COL5A2: variants seen among roughly 807,000 people sequenced by gnomAD.
COL5A2 encodes collagen type V alpha 2 chain.
In COL5A2, 23 loss-of-function variants were observed where a neutral mutation model predicts 208.2. The ratio of observed to expected loss-of-function variants is 0.11; its 90% CI spans 0.08 to 0.16. The LOEUF (loss-of-function observed/expected upper bound fraction) is 0.16, where lower values mean the gene tolerates loss of function less well. COL5A2 is among the 10% of genes least tolerant of loss of function. The probability of loss-of-function intolerance (pLI) is 1.00; values close to 1 mark genes in which losing one functional copy is unlikely to be tolerated. For missense variants in COL5A2, 1,590 were observed against 1,956.4 expected (o/e 0.81, Z 3.53); for synonymous variants, 625 against 628.5 (o/e 0.99, Z 0.08).
intron 1 of COL5A2, among the ~76,000 whole-genome samples, chr2:189,123,707 C>T (rs1687554558): frequency 1.3e-5 from 2 of 152,094 alleles, no homozygotes; most frequent in Non-Finnish European, 1.5e-5. Flanking sequence ...TGGAGTGAAT[C>T]TTAAGGAAGA....
chr2:189,288,038 G>A, the COL5A2 span, among the ~76,000 whole-genome samples: 2 of 151,932 alleles, frequency 1.3e-5, no homozygotes, highest in African/African-American at 2.4e-5. Flanking sequence ...TTCAACAGAT[G>A]ACAAGAACAG....
At chr2:189,078,109 G>T (rs1397632960) in intron 16 of COL5A2, among the ~76,000 whole-genome samples, 1 of 152,154 alleles carries the variant, frequency 6.6e-6, no homozygotes, top group Non-Finnish European at 1.5e-5. Flanking sequence ...CCTTTTAGGA[G>T]TATGAGGAAC....
At chr2:189,085,694 G>T (rs774044911) in intron 10 of COL5A2, 25 bp downstream of exon 10, 1 of 1,607,332 alleles carries the variant, frequency 6.2e-7, no homozygotes, top group East Asian at 2.2e-5. Context: ...ATGTAACTGG[G>T]TCTACATGCT....
chr2:189,299,371 G>C, the COL5A2 span, among the ~76,000 whole-genome samples: 1 of 152,052 alleles, frequency 6.6e-6, no homozygotes, highest in Admixed American at 6.6e-5. Context: ...TTGTCATATA[G>C]ACATATCATC....
chr2:189,070,158 T>G (rs1686239625), intron 18 of COL5A2, among the ~76,000 whole-genome samples: 1 of 152,212 alleles, frequency 6.6e-6, no homozygotes, highest in Non-Finnish European at 1.5e-5. Flanking sequence ...TGAGGCATAC[T>G]TATACTAAAC....
chr2:189,100,851 A>G (rs1221522064), intron 3 of COL5A2, among the ~76,000 whole-genome samples: 1 of 152,066 alleles, frequency 6.6e-6, no homozygotes, highest in Admixed American at 6.6e-5. Flanking sequence ...AGCAAATGTA[A>G]TAGATGTAGA....
At chr2:189,139,482 AGGAATGTCT>A (rs905319353) in intron 1 of COL5A2, among the ~76,000 whole-genome samples, 2 of 152,140 alleles carry the variant, frequency 1.3e-5, no homozygotes, top group Non-Finnish European at 2.9e-5. Flanking sequence ...CTAAAAAACA[AGGAATGTCT>A]GGAAACTGTC....
At chr2:189,062,161 T>G (rs1397108350) in intron 29 of COL5A2, among the ~76,000 whole-genome samples, 1 of 146,978 alleles carries the variant, frequency 6.8e-6, no homozygotes, top group Non-Finnish European at 1.5e-5. Context: ...ATTCCTTTTA[T>G]GTCCTAAAAA....
intron 1 of COL5A2, among the ~76,000 whole-genome samples, chr2:189,137,286 G>C (rs1687844464): frequency 6.6e-6 from 1 of 152,216 alleles, no homozygotes. Context: ...TTACATGAGA[G>C]ATGTCTTCTG....
chr2:189,050,623 A>G lies in COL5A2; in HGVS notation c.2985T>C (p.Val995=). The G allele has an allele frequency of 6.4e-7, 1 of 1,552,644 alleles. No homozygotes were observed. Among genetic ancestry groups the G allele is most frequent in the Non-Finnish European group, 8.7e-7 (1 of 1,147,454 alleles). The change falls in exon 43 of 54, where the codon GTT becomes GTC. Residue 995 remains valine, a synonymous_variant. Coordinates refer to ENST00000374866, the MANE Select transcript of COL5A2 (RefSeq NM_000393.5). ...TCTCTCCACGTTGCCCAGGCATGCC[A>G]ACAATTCCTCTCTGCCCGGTCGTTC... The part of the protein sequence containing the change: ...PAGTTGQRGI[V]GMPGQRGERG...
At chr2:189,189,638 C>T (rs562846137) in intron 1 of COL5A2, among the ~76,000 whole-genome samples, 1 of 152,026 alleles carries the variant, frequency 6.6e-6, no homozygotes, top group South Asian at 2.1e-4. Flanking sequence ...GGTAACAGTA[C>T]AAGACTCTGT....
rs185473320 is a variant in COL5A2 at position 189,110,997 on chromosome 2, C to A, written c.98-548G>T. 2.9e-3 allele frequency among the ~76,000 whole-genome samples: 435 copies of A among 152,094 alleles called. 2 individuals are homozygous for A. The highest frequency in any genetic ancestry group is 0.01 in the African/African-American group (421 of 41,490). On this transcript the variant is annotated intron_variant, in intron 1 of 53. Transcript: ENST00000374866. ...TTAAATGTACAGTAAAAAAGTATAA[C>A]CATGTCCCATTTCATGGAGTAGAAT... is the stretch of plus-strand genomic sequence containing the variant.
chr2:189,203,059 A>C (rs779140897), intron 1 of COL5A2, among the ~76,000 whole-genome samples: 24 of 152,208 alleles, frequency 1.6e-4, no homozygotes, highest in Non-Finnish European at 3.2e-4. Flanking sequence ...ATAAAATGTA[A>C]ATCTGTAATG....
intron 1 of COL5A2, among the ~76,000 whole-genome samples, chr2:189,151,603 CATG>C (rs1688143296): frequency 6.6e-6 from 1 of 152,120 alleles, no homozygotes; most frequent in African/African-American, 2.4e-5. Flanking sequence ...ACCCCTCTTC[CATG>C]ATAAGTTGCC....
rs752658223 is a variant in COL5A2 at position 189,039,361 on chromosome 2, A to G, written c.3836T>C (p.Ile1279Thr). 34 of 1,613,926 alleles carry G rather than the reference A, an allele frequency of 2.1e-5. No individual in the cohort carries two copies. Among genetic ancestry groups the G allele is most frequent in the Non-Finnish European group, 2.5e-5 (30 of 1,180,012 alleles). The change falls in exon 51 of 54, where the codon ATT becomes ACT. Residue 1279 changes from isoleucine (I) to threonine (T), a missense_variant. Ile to Thr is a moderately conservative substitution (Grantham distance 89). Transcript: ENST00000374866. Reference sequence around the variant, plus strand: ...GCCATCGGGGCTGCGCATGGTTTCAATCTGACTACTGAGTGACTTCAGGGT... The same window carrying G: ...GCCATCGGGGCTGCGCATGGTTTCAGTCTGACTACTGAGTGACTTCAGGGT... ...HATLKSLSSQ[I>T]ETMRSPDGSK...
intron 16 of COL5A2, 76 bp downstream of exon 16, chr2:189,078,440 C>G (rs755954361): frequency 8.5e-7 from 1 of 1,179,678 alleles, no homozygotes; most frequent in African/African-American, 1.5e-5. Flanking sequence ...ATTTAAAAGG[C>G]AAGTTCAGTA....
intron 1 of COL5A2, among the ~76,000 whole-genome samples, chr2:189,160,314 C>A (rs1280595638): frequency 6.6e-6 from 1 of 152,094 alleles, no homozygotes; most frequent in Admixed American, 6.5e-5. Context: ...GCAGAAGACA[C>A]CAAAAATAAA....
chr2:189,158,716 A>G (rs1482131347), intron 1 of COL5A2, among the ~76,000 whole-genome samples: 4 of 152,064 alleles, frequency 2.6e-5, no homozygotes, highest in Non-Finnish European at 4.4e-5. Flanking sequence ...GATACCTTCC[A>G]TAACACTATA....
the COL5A2 span, among the ~76,000 whole-genome samples, chr2:189,293,565 T>G: frequency 1.3e-5 from 2 of 152,150 alleles, no homozygotes; most frequent in Non-Finnish European, 2.9e-5. Context: ...GTGGAACCTT[T>G]AAGAGGGAAT....
Sources: allele counts gnomAD v4.1 joint callset (sites outside exome capture counted in the v4.1 genomes callset), GRCh38; gene constraint gnomAD v4.1.1; transcripts MANE v1.5; gene names NCBI Gene and HGNC (gene_info 2026-07-23, HGNC 2026-07-21).